SHTN1: variants seen among roughly 807,000 people sequenced by gnomAD.
SHTN1 encodes the protein shootin 1.
SHTN1 carries 42 observed loss-of-function variants against 83.1 expected under a neutral mutation model. The observed-to-expected ratio is 0.51, with a 90% CI of 0.39 to 0.65. SHTN1 has a LOEUF of 0.65. Among genes scored for constraint, SHTN1 ranks in the 30% least tolerant of loss-of-function variants. SHTN1 has a pLI of 0.00. For synonymous variants in SHTN1, 224 were observed against 247.7 expected (o/e 0.90, Z 0.90); for missense variants, 622 against 737.8 (o/e 0.84, Z 1.82).
At chr10:116,916,658 T>C (rs1848394426) in intron 12 of SHTN1, among the ~76,000 whole-genome samples, 1 of 152,228 alleles carries the variant, frequency 6.6e-6, no homozygotes, top group Non-Finnish European at 1.5e-5. Flanking sequence ...GCCTAGATTA[T>C]GGCTTCTTTT....
chr10:117,115,910 G>A (rs926460004), intron 1 of SHTN1, among the ~76,000 whole-genome samples: 1 of 152,142 alleles, frequency 6.6e-6, no homozygotes, highest in Admixed American at 6.6e-5. Flanking sequence ...GTTTGCTTGA[G>A]ACTGTCTCTG....
At chr10:117,007,578 A>C (rs1350276259), upstream of SHTN1, among the ~76,000 whole-genome samples, 2 of 147,904 alleles carry the variant, frequency 1.4e-5, no homozygotes, top group East Asian at 2.0e-4. Flanking sequence ...AAAAAAAAAA[A>C]AACTCCTGAA....
At chr10:117,091,016 C>T (rs1191663919) in intron 1 of SHTN1, among the ~76,000 whole-genome samples, 1 of 152,162 alleles carries the variant, frequency 6.6e-6, no homozygotes, top group East Asian at 1.9e-4. Context: ...TTTCCAACTA[C>T]AGTGTGTGTG....
At chr10:117,108,350 A>G (rs1215461511) in intron 1 of SHTN1, among the ~76,000 whole-genome samples, 2 of 152,124 alleles carry the variant, frequency 1.3e-5, no homozygotes, top group African/African-American at 4.8e-5. Flanking sequence ...AATGTGGCAC[A>G]TATACACCAT....
At chr10:117,100,773 T>G (rs1422232054) in intron 1 of SHTN1, among the ~76,000 whole-genome samples, 35 of 152,306 alleles carry the variant, frequency 2.3e-4, no homozygotes, top group Non-Finnish European at 2.9e-5. Context: ...TGAGCTGAAG[T>G]CTAGGGATTA....
chr10:116,923,641 G>A (rs142398972), intron 11 of SHTN1, among the ~76,000 whole-genome samples: 9 of 151,550 alleles, frequency 5.9e-5, no homozygotes, highest in African/African-American at 1.2e-4. Flanking sequence ...TTGCAGCTCC[G>A]ATCTCCTGCA....
intron 1 of SHTN1, among the ~76,000 whole-genome samples, chr10:117,084,877 G>A (rs1160296558): frequency 6.6e-6 from 1 of 152,072 alleles, no homozygotes; most frequent in Admixed American, 6.5e-5. Context: ...GTGAGGCAAT[G>A]CCTCGCCCTG....
chr10:116,884,467 C>T lies in SHTN1; in HGVS notation c.*1877G>A. 1 of 342,918 alleles carries T rather than the reference C, an allele frequency of 2.9e-6. No homozygotes were observed. 21.2% of individuals were successfully genotyped at this position (342,918 alleles called of 1,614,324 possible). On this transcript the variant is annotated 3_prime_UTR_variant, in exon 17 of 17. Coordinates refer to ENST00000355371, the MANE Select transcript of SHTN1 (RefSeq NM_001127211.3). ...ACCTGTTACTAATTGTTCCCTAGTCCAGCTAACACATTTCACCCAAAGGGC... is the reference window on the plus strand; with the variant it reads ...ACCTGTTACTAATTGTTCCCTAGTCTAGCTAACACATTTCACCCAAAGGGC...
chr10:116,967,357 C>CTA (rs1312822136), intron 3 of SHTN1, among the ~76,000 whole-genome samples: 2 of 152,180 alleles, frequency 1.3e-5, no homozygotes, highest in Admixed American at 1.3e-4. Flanking sequence ...AGTGAGAGGG[C>CTA]TATTTCAAAC....
chr10:116,981,029 C>T (rs1850995576), intron 1 of SHTN1, among the ~76,000 whole-genome samples: 2 of 152,134 alleles, frequency 1.3e-5, no homozygotes, highest in Non-Finnish European at 2.9e-5. Context: ...AAAATAATTA[C>T]ATTTACAGGC....
intron 9 of SHTN1, among the ~76,000 whole-genome samples, chr10:116,933,754 C>T (rs1849054908): frequency 6.6e-6 from 1 of 152,194 alleles, no homozygotes; most frequent in Admixed American, 6.5e-5. Flanking sequence ...CTGTCTTCCA[C>T]AATGGTTGAA....
At chr10:117,040,907 C>T (rs1036495777) in intron 2 of SHTN1, among the ~76,000 whole-genome samples, 5 of 151,276 alleles carry the variant, frequency 3.3e-5, no homozygotes, top group African/African-American at 7.3e-5. Context: ...TATTTTTATA[C>T]TCAACTCTTT....
Position 116,900,864 on chromosome 10 carries a change from A to C in SHTN1, c.1673+901T>G, listed in dbSNP as rs533368088. The C allele has an allele frequency of 2.6e-5, 26 of 985,414 alleles. No individual in the cohort carries two copies. The African/African-American group carries it at 3.8e-4, about 15-fold the overall frequency. 61.0% of individuals were successfully genotyped at this position (985,414 alleles called of 1,614,324 possible). On this transcript the variant is annotated intron_variant, in intron 16 of 16. Transcript: ENST00000355371. Reference sequence around the variant, plus strand: ...GGCCATTCATTCCAGAAGAGAAAAAAAAGTTAATAGTAGCAATGAGAGAAT... The same window carrying C: ...GGCCATTCATTCCAGAAGAGAAAAACAAGTTAATAGTAGCAATGAGAGAAT...
intron 2 of SHTN1, among the ~76,000 whole-genome samples, chr10:117,042,761 G>A (rs943979704): frequency 1.2e-4 from 19 of 152,024 alleles, no homozygotes; most frequent in African/African-American, 3.4e-4. Flanking sequence ...GACTACAGGC[G>A]TACACCACCA....
At chr10:117,115,039 T>A (rs1301088209) in intron 1 of SHTN1, among the ~76,000 whole-genome samples, 1 of 152,208 alleles carries the variant, frequency 6.6e-6, no homozygotes, top group Non-Finnish European at 1.5e-5. Flanking sequence ...TTTCTTAGGG[T>A]CCTTCTGACA....
intron 11 of SHTN1, among the ~76,000 whole-genome samples, chr10:116,924,906 C>T (rs1848689560): frequency 1.3e-5 from 2 of 151,948 alleles, no homozygotes; most frequent in Non-Finnish European, 2.9e-5. Context: ...TACAGGCACC[C>T]ACCACGCCTG....
intron 16 of SHTN1, among the ~76,000 whole-genome samples, chr10:116,892,891 C>T (rs1035497021): frequency 6.6e-6 from 1 of 152,046 alleles, no homozygotes; most frequent in African/African-American, 2.4e-5. Flanking sequence ...TGAAAAATGG[C>T]TAAGAAAACT....
chr10:116,913,246 GC>G (rs1848269834), intron 13 of SHTN1, among the ~76,000 whole-genome samples: 1 of 152,244 alleles, frequency 6.6e-6, no homozygotes, highest in African/African-American at 2.4e-5. Context: ...GACTGCACAA[GC>G]CTTTTGAACC....
intron 1 of SHTN1, among the ~76,000 whole-genome samples, chr10:117,003,889 TTTATTA>T (rs762379078): frequency 6.6e-6 from 1 of 152,120 alleles, no homozygotes; most frequent in Non-Finnish European, 1.5e-5. Flanking sequence ...TTCTTTATTA[TTTATTA>T]TTATTATTTT....
Sources: gnomAD v4.1 joint callset for allele counts (sites outside exome capture counted in the v4.1 genomes callset) on GRCh38, gnomAD v4.1.1 for gene constraint, MANE v1.5 for transcripts, NCBI Gene and HGNC (gene_info 2026-07-23, HGNC 2026-07-21) for gene names.